The following TSHZ3 variants were observed in gnomAD, a reference collection of about 807,000 sequenced individuals.
TSHZ3 encodes the protein teashirt homolog 3.
In TSHZ3, 10 loss-of-function variants were observed where a neutral mutation model predicts 64.5. That is an observed-to-expected ratio of 0.16 (90% CI 0.10 to 0.26). The LOEUF is 0.26. Among genes scored for constraint, TSHZ3 ranks in the 10% least tolerant of loss-of-function variants. TSHZ3 has a pLI of 1.00. For missense variants in TSHZ3, 1,242 were observed against 1,421.7 expected (o/e 0.87, Z 2.03); for synonymous variants, 608 against 593.1 (o/e 1.03, Z -0.36).
chr19:31,349,504 G>A, upstream of TSHZ3: 1 of 361,738 alleles, frequency 2.8e-6, no homozygotes, highest in Non-Finnish European at 4.9e-6. Context: ...GGAGGAGGAG[G>A]TGGAGGAGGA....
At chr19:31,242,307 T>C (rs544563434) in exon 3 of TSHZ3, among the ~76,000 whole-genome samples, 79 of 152,306 alleles carry the variant, frequency 5.2e-4, no homozygotes, top group South Asian at 2.3e-3. Flanking sequence ...ACAGGCCATA[T>C]GCAAGCTGGA....
chr19:31,219,124 C>G (rs1469227289), intron 4 of TSHZ3, among the ~76,000 whole-genome samples: 4 of 152,158 alleles, frequency 2.6e-5, no homozygotes, highest in African/African-American at 7.2e-5. Flanking sequence ...GACAGTGAGG[C>G]CTTTATGCTT....
intron 1 of TSHZ3, among the ~76,000 whole-genome samples, chr19:31,253,082 G>A (rs974470522): frequency 2.6e-5 from 4 of 152,248 alleles, no homozygotes; most frequent in Middle Eastern, 3.4e-3. Flanking sequence ...CCTAGTGCAC[G>A]TCAAACATTT....
rs180721856 is a variant in TSHZ3 at position 31,233,586 on chromosome 19, T to C, written n.551-5446A>G. Among the ~76,000 whole-genome samples the C allele has an allele frequency of 7.2e-3, 1,097 of 152,296 alleles. 4 individuals carry two copies. The highest frequency in any genetic ancestry group is 0.012 in the Non-Finnish European group (820 of 68,020). On this transcript the variant is annotated intron_variant and non_coding_transcript_variant, in intron 3 of 6. Transcript: ENST00000651361. Reference sequence around the variant, plus strand: ...TCTTCGGCAGGGCAAGCAATTTTAATTTGATGATGTACAACTGGTCATTTT... The same window carrying C: ...TCTTCGGCAGGGCAAGCAATTTTAACTTGATGATGTACAACTGGTCATTTT...
intron 6 of TSHZ3, among the ~76,000 whole-genome samples, chr19:31,153,753 G>A (rs1974268863): frequency 6.6e-6 from 1 of 152,196 alleles, no homozygotes; most frequent in African/African-American, 2.4e-5. Context: ...TTGAGTAAAT[G>A]ACTAAATATG....
Position 31,277,741 on chromosome 19 carries a change from G to A in TSHZ3, c.2052C>T (p.Leu684=), listed in dbSNP as rs765207999. 64 of 1,522,458 alleles carry A rather than the reference G, an allele frequency of 4.2e-5. No individual in the cohort carries two copies. The highest frequency in any genetic ancestry group is 2.2e-4 in the Admixed American group (10 of 44,872). The allele number at this position is 1,522,458 out of a possible 1,614,324, so 94.3% of individuals were successfully genotyped here. Residue 684 remains leucine (L), a synonymous_variant, in exon 2 of 2, where the codon CTC becomes CTT. Coordinates refer to ENST00000240587, the MANE Select transcript of TSHZ3 (RefSeq NM_020856.4). This position sits in a 1 kb window ranked among gnomAD's most constrained non-coding sequence, Gnocchi z 4.5. ...CCTTGCCATTCTCCACCGGCTCAGC[G>A]AGGGGGCTCCCATCCTTGCACCCAT... ...PRDGCKDGSP[L]AEPVENGKEL...
chr19:31,292,345 G>A (rs1976581213), intron 1 of TSHZ3, among the ~76,000 whole-genome samples: 1 of 152,264 alleles, frequency 6.6e-6, no homozygotes, highest in South Asian at 2.1e-4. Context: ...ATGGAACCAA[G>A]GAACTCTTGC....
intron 1 of TSHZ3, among the ~76,000 whole-genome samples, chr19:31,301,249 G>A (rs962067786): frequency 5.9e-5 from 9 of 152,076 alleles, no homozygotes; most frequent in East Asian, 2.0e-4. Flanking sequence ...TCCCCACCAC[G>A]TCTCCCTCTC....
In TSHZ3 at chr19:31,276,551, T is replaced by TG; in HGVS notation, c.3241dup (p.Gln1081ProfsTer15). ...CCTTTCTATCAAAAGCAAATGCTACTGCTTCTCTAACTCAGAGACATACAG... is the reference window on the plus strand; with the variant it reads ...CCTTTCTATCAAAAGCAAATGCTACTGGCTTCTCTAACTCAGAGACATACAG... On this transcript the variant is annotated frameshift_variant, in exon 2 of 2. Coordinates refer to ENST00000240587, the MANE Select transcript of TSHZ3 (RefSeq NM_020856.4). LOFTEE classifies it high-confidence loss of function. 6.5e-7 allele frequency: 1 copy of TG among 1,542,878 alleles called. No homozygotes were observed.
At chr19:31,302,049 T>C (rs1356898470) in intron 1 of TSHZ3, among the ~76,000 whole-genome samples, 3 of 152,126 alleles carry the variant, frequency 2.0e-5, no homozygotes, top group African/African-American at 7.2e-5. Flanking sequence ...AGACATTCCT[T>C]ACACTCAGAA....
chr19:31,303,870 G>A (rs1375946697), intron 1 of TSHZ3, among the ~76,000 whole-genome samples: 2 of 152,062 alleles, frequency 1.3e-5, no homozygotes, highest in African/African-American at 2.4e-5. Flanking sequence ...GCTACCATTT[G>A]GTGACATGGA....
chr19:31,235,699 CTTTTTTTTTT>C (rs34677399), intron 3 of TSHZ3, among the ~76,000 whole-genome samples: 1 of 59,570 alleles, frequency 1.7e-5, no homozygotes, highest in African/African-American at 7.1e-5. Flanking sequence ...TCCTCTTCTT[CTTTTTTTTTT>C]TTTTTTTTTT....
At chr19:31,201,162 G>C (rs1373583501) in intron 5 of TSHZ3, among the ~76,000 whole-genome samples, 4 of 152,180 alleles carry the variant, frequency 2.6e-5, no homozygotes, top group African/African-American at 9.6e-5. Flanking sequence ...GTAGGTAACA[G>C]AAAATTACTC....
At chr19:31,284,037 G>C (rs1383993792) in intron 1 of TSHZ3, among the ~76,000 whole-genome samples, 1 of 152,176 alleles carries the variant, frequency 6.6e-6, no homozygotes, top group Non-Finnish European at 1.5e-5. Context: ...GTGACCTTGG[G>C]AAATTCCGCT....
At chr19:31,240,367 A>T (rs1975671518) in intron 3 of TSHZ3, among the ~76,000 whole-genome samples, 1 of 152,214 alleles carries the variant, frequency 6.6e-6, no homozygotes, top group African/African-American at 2.4e-5. Flanking sequence ...ACATTAAAAT[A>T]AAAAAGATAG....
intron 1 of TSHZ3, among the ~76,000 whole-genome samples, chr19:31,243,992 A>T (rs570051707): frequency 6.6e-6 from 1 of 152,304 alleles, no homozygotes; most frequent in South Asian, 2.1e-4. Flanking sequence ...CATGTGCATA[A>T]CTTTTGGCCT....
intron 1 of TSHZ3, among the ~76,000 whole-genome samples, chr19:31,249,812 A>T (rs1163519959): frequency 2.0e-5 from 3 of 152,188 alleles, no homozygotes; most frequent in African/African-American, 7.2e-5. Context: ...CCAAGGTGAC[A>T]TGTAAAGACA....
chr19:31,259,768 A>C (rs1239334387), intron 1 of TSHZ3, among the ~76,000 whole-genome samples: 2 of 152,214 alleles, frequency 1.3e-5, no homozygotes, highest in Non-Finnish European at 2.9e-5. Context: ...CATTTAGGGA[A>C]GAGGAGAGAA....
In TSHZ3 at chr19:31,157,576, A is replaced by T. The variant is rs560533241; in HGVS notation, n.810-1159T>A. ...CTGCATAGATCACCAATACAAAAAAATGTTGAAGGAAAAGGGTAGATTATA... is the reference window on the plus strand; with the variant it reads ...CTGCATAGATCACCAATACAAAAAATTGTTGAAGGAAAAGGGTAGATTATA... On this transcript the variant is annotated intron_variant and non_coding_transcript_variant, in intron 5 of 6. Coordinates refer to the TSHZ3 transcript ENST00000651361. Among the ~76,000 whole-genome samples, 4 of 152,350 alleles carry T rather than the reference A, an allele frequency of 2.6e-5. No individual in the cohort carries two copies. In the East Asian group the frequency reaches 7.7e-4, roughly 29 times the overall value.
Sources: allele counts gnomAD v4.1 joint callset (sites outside exome capture counted in the v4.1 genomes callset), GRCh38; gene constraint gnomAD v4.1.1; non-coding constraint Gnocchi (gnomAD v3.1); transcripts MANE v1.5; gene names NCBI Gene and HGNC (gene_info 2026-07-23, HGNC 2026-07-21).